Variants in PPM1K observed in about 807,000 individuals in gnomAD.
PPM1K encodes the protein protein phosphatase Mn(2+)-dependent 1K.
In PPM1K, 19 loss-of-function variants were observed where a neutral mutation model predicts 32.6. That is an observed-to-expected ratio of 0.58 (90% CI 0.41 to 0.86). PPM1K has a LOEUF of 0.86. PPM1K is among the 40% of genes least tolerant of loss of function. PPM1K has a pLI of 0.00. For synonymous variants in PPM1K, 159 were observed against 165.3 expected, an observed-to-expected ratio of 0.96 and a Z score of 0.29; for missense variants, 362 against 461.2, an observed-to-expected ratio of 0.78 and a Z score of 1.97.
chr4:88,266,246 G>C (rs918544746), intron 5 of PPM1K, among the ~76,000 whole-genome samples: 1 of 152,216 alleles, frequency 6.6e-6, no homozygotes, highest in Admixed American at 6.5e-5. Flanking sequence ...TCATGGACTG[G>C]GTGTGTGTTG....
In PPM1K at chr4:88,277,507, G is replaced by C. The variant is rs184396125; in HGVS notation, c.441-264C>G. The C allele has an allele frequency of 1.5e-3, 561 of 363,450 alleles. 10 individuals carry two copies. The highest frequency in any genetic ancestry group is 0.011 in the African/African-American group (522 of 48,502). 22.5% of individuals were successfully genotyped at this position (363,450 alleles called of 1,614,324 possible). A position where few individuals can be genotyped will look rare whatever the true frequency, so the allele number is the denominator to read the frequency against. ...CACTACCACAACCCTGAGAGGTCGAGAGTTCCTTCCCATTGTGAGTTCTTT... is the reference window on the plus strand; with the variant it reads ...CACTACCACAACCCTGAGAGGTCGACAGTTCCTTCCCATTGTGAGTTCTTT... On this transcript the variant is annotated intron_variant, in intron 2 of 6. Coordinates refer to ENST00000608933, the MANE Select transcript of PPM1K (RefSeq NM_152542.5).
At chr4:88,279,121 C>T (rs1449861499) in intron 1 of PPM1K, 1 of 152,750 alleles carries the variant, frequency 6.5e-6, no homozygotes, top group Non-Finnish European at 1.5e-5. Context: ...AATAAATATA[C>T]TTCCCTTCAT....
At chr4:88,270,848 T>C (rs1469868325) in intron 3 of PPM1K, among the ~76,000 whole-genome samples, 1 of 152,236 alleles carries the variant, frequency 6.6e-6, no homozygotes, top group African/African-American at 2.4e-5. Flanking sequence ...AAACTAACTG[T>C]CAATTCTGAT....
At chr4:88,268,494 G>T (rs899616963) in intron 4 of PPM1K, among the ~76,000 whole-genome samples, 160 bp from the exon 5 acceptor site, 5 of 152,104 alleles carry the variant, frequency 3.3e-5, no homozygotes, top group Non-Finnish European at 5.9e-5. Context: ...GTTGGCAGGC[G>T]CCTGTAGTCC....
At chr4:88,277,268 C>T (rs1731815503) in intron 2 of PPM1K, 25 bp from the exon 3 acceptor site, 1 of 1,474,102 alleles carries the variant, frequency 6.8e-7, no homozygotes, top group Non-Finnish European at 9.5e-7. Flanking sequence ...AAAAAAGAGC[C>T]TTAAACAATC....
chr4:88,268,958 G>T, intron 3 of PPM1K, 52 bp from the exon 4 acceptor site: 1 of 1,448,648 alleles, frequency 6.9e-7, no homozygotes, highest in Non-Finnish European at 9.4e-7. Context: ...CAAATGATTG[G>T]ATATGGAATT....
rs146041562 is a variant in PPM1K at position 88,278,375 on chromosome 4, C to T, written c.209G>A (p.Arg70His). 3.8e-5 allele frequency: 61 copies of T among 1,614,168 alleles called. No individual in the cohort carries two copies. Among genetic ancestry groups the T allele is most frequent in the African/African-American group, 2.8e-4 (21 of 75,036 alleles). ...TGGCAGCAGAATTGGCTCATCAATG[C>T]GGTTATCCCAGATCCCAAAATTGTC... The part of the protein sequence containing the change: ...TWDNFGIWDN[R>H]IDEPILLPPS... The change falls in exon 2 of 7, where the codon CGC becomes CAC. Residue 70 changes from arginine to histidine, a missense_variant. Physicochemically the swap from Arg to His is conservative, Grantham distance 29 (BLOSUM62 0). Transcript: ENST00000608933. This position sits in a 1 kb window ranked among gnomAD's most constrained non-coding sequence, Gnocchi z 4.2.
chr4:88,276,690 T>G, intron 3 of PPM1K: 1 of 984,506 alleles, frequency 1.0e-6, no homozygotes, highest in Non-Finnish European at 1.2e-6. Context: ...TAGGACCTAT[T>G]TGCAATTTTT....
intron 3 of PPM1K, among the ~76,000 whole-genome samples, chr4:88,271,926 CA>C: frequency 1.3e-5 from 2 of 152,248 alleles, no homozygotes; most frequent in Middle Eastern, 6.8e-3. Context: ...TAGCGAGACG[CA>C]TGTTTATAAT....
intron 3 of PPM1K, chr4:88,270,997 C>A: frequency 2.0e-6 from 1 of 489,158 alleles, no homozygotes; most frequent in Non-Finnish European, 4.0e-6. Context: ...TCTTAACACT[C>A]ACTGGACAAT....
intron 6 of PPM1K, among the ~76,000 whole-genome samples, chr4:88,264,719 T>G (rs928552823): frequency 6.6e-6 from 1 of 152,236 alleles, no homozygotes; most frequent in African/African-American, 2.4e-5. Flanking sequence ...AGCTAATACA[T>G]ATGAATATTG....
chr4:88,270,984 A>G (rs986418071), intron 3 of PPM1K: 1 of 393,852 alleles, frequency 2.5e-6, no homozygotes, highest in African/African-American at 2.1e-5. Flanking sequence ...TCTTTCAATA[A>G]GTTCTTAACA....
chr4:88,280,145 T>C (rs951782371), intron 1 of PPM1K, among the ~76,000 whole-genome samples: 4 of 152,236 alleles, frequency 2.6e-5, no homozygotes, highest in Admixed American at 1.3e-4. Flanking sequence ...CTCACTTTGT[T>C]GCCCAGTCTG....
intron 1 of PPM1K, among the ~76,000 whole-genome samples, chr4:88,280,075 T>C (rs1025723773): frequency 1.3e-5 from 2 of 152,182 alleles, no homozygotes; most frequent in Admixed American, 6.5e-5. Flanking sequence ...AAAGAAAGAA[T>C]GAGGTTCCAA....
intron 3 of PPM1K, chr4:88,276,470 A>G (rs1057189381): frequency 2.0e-6 from 2 of 985,308 alleles, no homozygotes; most frequent in Admixed American, 6.1e-5. Context: ...TGGTTTTGAT[A>G]AATTTAGTCA....
At chr4:88,265,653 AAAG>A (rs763060216) in intron 5 of PPM1K, among the ~76,000 whole-genome samples, 3 of 152,264 alleles carry the variant, frequency 2.0e-5, no homozygotes, top group Non-Finnish European at 4.4e-5. Context: ...CTGTTGGGCA[AAAG>A]TAGTAACATT....
chr4:88,281,372 AT>A (rs942986575), intron 1 of PPM1K, among the ~76,000 whole-genome samples: 14 of 151,716 alleles, frequency 9.2e-5, no homozygotes, highest in African/African-American at 2.4e-4. Flanking sequence ...CCTCCCCCCA[AT>A]TTTTTTTTAA....
chr4:88,266,823 A>C (rs561957098), intron 5 of PPM1K, among the ~76,000 whole-genome samples: 59 of 134,860 alleles, frequency 4.4e-4, no homozygotes, highest in Non-Finnish European at 6.8e-4. Context: ...ATGCTAGATG[A>C]CTGGGTGCAG....
chr4:88,271,603 A>G (rs1157847006), intron 3 of PPM1K, among the ~76,000 whole-genome samples: 1 of 152,232 alleles, frequency 6.6e-6, no homozygotes. Context: ...AACACAGTAA[A>G]TCACTACCTT....
Sources: allele counts gnomAD v4.1 joint callset (sites outside exome capture counted in the v4.1 genomes callset), GRCh38; gene constraint gnomAD v4.1.1; non-coding constraint Gnocchi (gnomAD v3.1); transcripts MANE v1.5; gene names NCBI Gene and HGNC (gene_info 2026-07-23, HGNC 2026-07-21).